DYM: variants seen among roughly 807,000 people sequenced by gnomAD.
DYM encodes dyggve-Melchior-Clausen syndrome protein.
DYM carries 78 observed loss-of-function variants against 93.1 expected under a neutral mutation model. The ratio of observed to expected loss-of-function variants is 0.84; its 90% CI spans 0.70 to 1.01. The LOEUF (loss-of-function observed/expected upper bound fraction) is 1.01. Among genes scored for constraint, DYM ranks in the 50% least tolerant of loss-of-function variants. The probability of loss-of-function intolerance (pLI) is 0.00; values close to 1 mark genes in which losing one functional copy is unlikely to be tolerated. For synonymous variants in DYM, 321 were observed against 319.7 expected (o/e 1.00, Z -0.04); for missense variants, 789 against 845.0 (o/e 0.93, Z 0.82).
At chr18:49,126,855 A>G (rs1205158695) in intron 15 of DYM, among the ~76,000 whole-genome samples, 4 of 152,340 alleles carry the variant, frequency 2.6e-5, no homozygotes, top group Admixed American at 1.3e-4. Flanking sequence ...TGAAATTACT[A>G]TAAGTGCAAA....
intron 8 of DYM, among the ~76,000 whole-genome samples, chr18:49,314,403 C>T (rs780220841): frequency 6.6e-6 from 1 of 152,174 alleles, no homozygotes. Flanking sequence ...AGCCTGAGAC[C>T]ATTACAAAGA....
At chr18:49,358,339 G>T (rs80065837) in intron 6 of DYM, among the ~76,000 whole-genome samples, 8 of 152,096 alleles carry the variant, frequency 5.3e-5, no homozygotes, top group African/African-American at 9.7e-5. Flanking sequence ...TCTAAAGGAA[G>T]ACAAACTGTA....
In DYM at chr18:49,370,654, C is replaced by A. The variant is rs142120172; in HGVS notation, c.422-7421G>T. 2.9e-3 allele frequency among the ~76,000 whole-genome samples: 434 copies of A among 152,224 alleles called. 10 individuals are homozygous for A. The highest frequency in any genetic ancestry group is 0.023 in the Admixed American group (354 of 15,294). On this transcript the variant is annotated intron_variant, in intron 5 of 17. Transcript: ENST00000675505. ...GGTGGCATGCGCCTGTGATTCCCAGCTACTCGGGAGGCTAAGGCAGGAGAA... is the reference window on the plus strand; with the variant it reads ...GGTGGCATGCGCCTGTGATTCCCAGATACTCGGGAGGCTAAGGCAGGAGAA...
At chr18:49,405,737 G>T (rs2148114300) in intron 2 of DYM, among the ~76,000 whole-genome samples, 1 of 152,072 alleles carries the variant, frequency 6.6e-6, no homozygotes, top group South Asian at 2.1e-4. Context: ...CCATATTTTT[G>T]AACAGTTTTT....
chr18:49,076,249 A>G (rs924377940), intron 17 of DYM, among the ~76,000 whole-genome samples: 2 of 152,190 alleles, frequency 1.3e-5, no homozygotes, highest in African/African-American at 4.8e-5. Flanking sequence ...GAAAAATATT[A>G]TGATGTTTTA....
chr18:49,446,268 A>AAG lies in DYM; in HGVS notation c.-54+14128_-54+14129dup, dbSNP rs538869231. ...GAGACCCCATCTCTACCAAAAGAAA[A>AAG]AGAGAGAGAGAGAGACAGAGTTCTT... On this transcript the variant is annotated intron_variant, in intron 1 of 17. Coordinates refer to ENST00000675505, the MANE Select transcript of DYM (RefSeq NM_001353214.3). Among the ~76,000 whole-genome samples, 77 of 151,860 alleles carry AAG rather than the reference A, an allele frequency of 5.1e-4. 1 individual carries two copies. In the South Asian group the frequency reaches 0.014, roughly 27 times the overall value.
intron 15 of DYM, among the ~76,000 whole-genome samples, chr18:49,139,467 T>C (rs1476382818): frequency 1.3e-5 from 2 of 152,172 alleles, no homozygotes; most frequent in Non-Finnish European, 2.9e-5. Context: ...ACTGATATGC[T>C]AAACTGTGAA....
At chr18:49,148,460 A>G (rs7235948) in intron 15 of DYM, among the ~76,000 whole-genome samples, 18,027 of 151,950 alleles carry the variant, frequency 0.12, 1,279 homozygotes, top group East Asian at 0.29. Context: ...GTCTCCCTAT[A>G]TTGCTCAGGC....
In DYM at chr18:49,229,906, T is replaced by C. The variant is rs190959540; in HGVS notation, c.1461-20191A>G. ...GTGAATGGATAAACTGTGGTATCCA[T>C]AGAATAAAATACTTGCTCAGTAATA... On this transcript the variant is annotated intron_variant, in intron 13 of 17. Coordinates refer to ENST00000675505, the MANE Select transcript of DYM (RefSeq NM_001353214.3). 3.3e-4 allele frequency among the ~76,000 whole-genome samples: 51 copies of C among 152,254 alleles called. 1 individual carries two copies. The highest frequency in any genetic ancestry group is 1.2e-3 in the African/African-American group (50 of 41,562).
At chr18:49,167,475 C>T (rs2088053070) in intron 14 of DYM, among the ~76,000 whole-genome samples, 1 of 152,146 alleles carries the variant, frequency 6.6e-6, no homozygotes, top group Non-Finnish European at 1.5e-5. Context: ...TACTATCATA[C>T]AATTTAACAG....
At chr18:49,080,199 G>A (rs1286541919) in intron 17 of DYM, among the ~76,000 whole-genome samples, 2 of 106,198 alleles carry the variant, frequency 1.9e-5, no homozygotes, top group East Asian at 3.0e-4. Flanking sequence ...GCGTCTGGCC[G>A]GGTGGGGGGC....
intron 6 of DYM, among the ~76,000 whole-genome samples, chr18:49,360,569 C>G (rs868801779): frequency 6.6e-6 from 1 of 151,736 alleles, no homozygotes; most frequent in Non-Finnish European, 1.5e-5. Context: ...TTGCAGTGAG[C>G]TGAGATCACG....
At chr18:49,331,565 T>A (rs776113039) in intron 8 of DYM, among the ~76,000 whole-genome samples, 2 of 152,236 alleles carry the variant, frequency 1.3e-5, no homozygotes, top group Non-Finnish European at 2.9e-5. Flanking sequence ...AGTTTTCAAA[T>A]GCTTAATTTT....
intron 13 of DYM, among the ~76,000 whole-genome samples, chr18:49,244,345 G>C (rs1256079283): frequency 1.3e-5 from 2 of 152,172 alleles, no homozygotes. Context: ...TTTTCAGTCA[G>C]TAACTACTGA....
intron 5 of DYM, among the ~76,000 whole-genome samples, chr18:49,376,421 CAA>C (rs2067514615): frequency 6.6e-6 from 1 of 152,096 alleles, no homozygotes; most frequent in African/African-American, 2.4e-5. Flanking sequence ...AAACAGAAAA[CAA>C]AAGATTGCTG....
At chr18:49,257,226 A>T in intron 12 of DYM, 122 bp from the exon 13 acceptor site, 1 of 769,430 alleles carries the variant, frequency 1.3e-6, no homozygotes, top group Non-Finnish European at 2.2e-6. Flanking sequence ...GTTCAGATCC[A>T]CTATCTCTTT....
At chr18:49,246,235 A>G (rs1182542153) in intron 13 of DYM, among the ~76,000 whole-genome samples, 1 of 152,190 alleles carries the variant, frequency 6.6e-6, no homozygotes, top group African/African-American at 2.4e-5. Flanking sequence ...TGTTTGTCCT[A>G]TCTCTGCAAC....
chr18:49,294,644 T>C (rs1301079369), intron 8 of DYM, among the ~76,000 whole-genome samples: 1 of 152,168 alleles, frequency 6.6e-6, no homozygotes, highest in Non-Finnish European at 1.5e-5. Context: ...AAAAATGAAC[T>C]CAAATGCTTG....
chr18:49,419,846 T>C (rs1221461549), intron 2 of DYM, among the ~76,000 whole-genome samples: 2 of 152,262 alleles, frequency 1.3e-5, no homozygotes, highest in Non-Finnish European at 2.9e-5. Flanking sequence ...GGAATAGCTT[T>C]ATAAATTACT....
Sources: allele counts gnomAD v4.1 joint callset (sites outside exome capture counted in the v4.1 genomes callset), GRCh38; gene constraint gnomAD v4.1.1; transcripts MANE v1.5; gene names NCBI Gene and HGNC (gene_info 2026-07-23, HGNC 2026-07-21).